The following IL37 variants were observed in gnomAD, a reference collection of about 807,000 sequenced individuals.
IL37 encodes interleukin-37.
A neutral mutation model predicts 15.4 loss-of-function variants in IL37; 15 were observed. That is an observed-to-expected ratio of 0.98 (90% confidence interval 0.65 to 1.50). The LOEUF is 1.50. Ranked by LOEUF, IL37 falls within the 40% of genes most tolerant of loss-of-function variation. The probability of loss-of-function intolerance (pLI) is 0.00; values close to 1 mark genes in which losing one functional copy is unlikely to be tolerated. For synonymous variants in IL37, 98 were observed against 97.4 expected, an observed-to-expected ratio of 1.01 and a Z score of -0.03; for missense variants, 269 against 261.7, an observed-to-expected ratio of 1.03 and a Z score of -0.19.
chr2:112,916,721 C>G (rs971142722), intron 3 of IL37, among the ~76,000 whole-genome samples: 1 of 152,168 alleles, frequency 6.6e-6, no homozygotes, highest in Non-Finnish European at 1.5e-5. Flanking sequence ...TATAAAAAGT[C>G]CTTTTTATAC....
chr2:112,911,230 A>G lies in IL37; in HGVS notation c.-69A>G, dbSNP rs1683171493. ...GGAGTCCAAGACAGAGCCACAGACCACGAGGATCCCTGGCCCAGGTAGGTG... is the reference window on the plus strand; with the variant it reads ...GGAGTCCAAGACAGAGCCACAGACCGCGAGGATCCCTGGCCCAGGTAGGTG... On this transcript the variant is annotated 5_prime_UTR_variant, in exon 1 of 6. Transcript: ENST00000263326. Among the ~76,000 whole-genome samples, 1 of 152,264 alleles carries G rather than the reference A, an allele frequency of 6.6e-6. No individual in the cohort carries two copies. Among genetic ancestry groups the G allele is most frequent in the Non-Finnish European group, 1.5e-5 (1 of 68,046 alleles).
At chr2:112,915,448 T>C (rs1460159738) in intron 3 of IL37, among the ~76,000 whole-genome samples, 1 of 152,056 alleles carries the variant, frequency 6.6e-6, no homozygotes, top group African/African-American at 2.4e-5. Context: ...GCCATGCCAC[T>C]CAAAGGGTGT....
chr2:112,913,589 C>T (rs1217779771), intron 2 of IL37, among the ~76,000 whole-genome samples: 15 of 152,226 alleles, frequency 9.9e-5, no homozygotes, highest in Admixed American at 9.8e-4. Flanking sequence ...AGGCCTGTGA[C>T]ATGCCAGAGG....
In IL37 at chr2:112,913,777, T is replaced by TGC; in HGVS notation, c.83-13_83-12dup. 1 of 1,612,104 alleles carries TGC rather than the reference T, an allele frequency of 6.2e-7. No individual in the cohort carries two copies. Among genetic ancestry groups the TGC allele is most frequent in the Non-Finnish European group, 8.5e-7 (1 of 1,178,242 alleles). On this transcript the variant is annotated splice_polypyrimidine_tract_variant and intron_variant, in intron 2 of 5. Coordinates refer to ENST00000263326, the MANE Select transcript of IL37 (RefSeq NM_014439.4). ...TCCGAATTGCATATGCTAACCTCAC[T>TGC]GCGTCTGACTGCAGACCCGGCTGGA...
intron 3 of IL37, among the ~76,000 whole-genome samples, chr2:112,916,922 C>T (rs374213025): frequency 3.9e-5 from 6 of 152,198 alleles, no homozygotes; most frequent in East Asian, 1.9e-4. Flanking sequence ...CTGTCCAAAT[C>T]TGGAACCCAT....
chr2:112,915,206 A>G (rs756629935), intron 3 of IL37: 3 of 1,614,066 alleles, frequency 1.9e-6, no homozygotes, highest in Non-Finnish European at 2.5e-6. Context: ...TCAGGCTGTG[A>G]TAGGAGGGAA....
At chr2:112,914,238 G>C (rs1227434125) in intron 3 of IL37, among the ~76,000 whole-genome samples, 3 of 152,168 alleles carry the variant, frequency 2.0e-5, no homozygotes, top group African/African-American at 7.2e-5. Context: ...GCTCAGGGCG[G>C]CGCCTTCAGA....
At chr2:112,911,630 C>G (rs1334156823) in intron 1 of IL37, among the ~76,000 whole-genome samples, 1 of 152,206 alleles carries the variant, frequency 6.6e-6, no homozygotes, top group Non-Finnish European at 1.5e-5. Context: ...TGCACTGCTT[C>G]TTTAGGGAAT....
chr2:112,916,655 G>A (rs1683318684), intron 3 of IL37, among the ~76,000 whole-genome samples: 1 of 152,200 alleles, frequency 6.6e-6, no homozygotes, highest in Non-Finnish European at 1.5e-5. Flanking sequence ...GCACTGCTGA[G>A]GGAATGATGC....
chr2:112,916,166 C>T (rs2723182), intron 3 of IL37, among the ~76,000 whole-genome samples: 14,742 of 152,202 alleles, frequency 0.097, 936 homozygotes, highest in African/African-American at 0.17. Context: ...GAATTGCCTA[C>T]CACAGATACC....
intron 3 of IL37, among the ~76,000 whole-genome samples, chr2:112,916,248 C>T (rs931389286): frequency 1.3e-5 from 2 of 152,310 alleles, no homozygotes; most frequent in African/African-American, 4.8e-5. Flanking sequence ...TTCCAGCCAC[C>T]CACCCATTCT....
intron 3 of IL37, chr2:112,915,148 T>C (rs771764942): frequency 1.3e-6 from 2 of 1,574,518 alleles, no homozygotes; most frequent in Non-Finnish European, 1.7e-6. Context: ...AGAACACCAC[T>C]TAAGAGGATA....
chr2:112,917,152 C>G lies in IL37; in HGVS notation c.169C>G (p.Pro57Ala), dbSNP rs1364649690. The change falls in exon 4 of 6, where the codon CCG becomes GCG. Residue 57 changes from proline (P) to alanine (A), a missense_variant. By Grantham distance (27) the Pro-to-Ala change is conservative. Coordinates refer to ENST00000263326, the MANE Select transcript of IL37 (RefSeq NM_014439.4). Reference sequence around the variant, plus strand: ...AGGTCCAAAGGTGAAGAACTTAAACCCGAAGAAATTCAGCATTCATGACCA... The same window carrying G: ...AGGTCCAAAGGTGAAGAACTTAAACGCGAAGAAATTCAGCATTCATGACCA... ...HTSPKVKNLNPKKFSIHDQDH... is the reference protein window; with the variant it reads ...HTSPKVKNLNAKKFSIHDQDH... 1.9e-6 allele frequency: 3 copies of G among 1,613,870 alleles called. No homozygotes were observed. Among genetic ancestry groups the G allele is most frequent in the Non-Finnish European group, 2.5e-6 (3 of 1,179,908 alleles).
intron 5 of IL37, 55 bp from the exon 6 acceptor site, chr2:112,918,506 T>C (rs1683374901): frequency 1.4e-5 from 21 of 1,554,116 alleles, no homozygotes; most frequent in Non-Finnish European, 1.8e-5. Context: ...ACATGTGCTG[T>C]GTTTTCCTCC....
At position 112,913,816 on chromosome 2, in the gene IL37, C is replaced by T. The variant is rs372712283; in HGVS notation, c.107C>T (p.Pro36Leu). 6.2e-7 allele frequency: 1 copy of T among 1,613,690 alleles called. No homozygotes were observed. The highest frequency in any genetic ancestry group is 1.1e-5 in the South Asian group (1 of 91,050). The change falls in exon 3 of 6, where the codon CCA becomes CTA. Residue 36 changes from proline to leucine, a missense_variant. Physicochemically the swap from Pro to Leu is moderately conservative, Grantham distance 98 (BLOSUM62 -3). Transcript: ENST00000263326. ...GACCCGGCTGGAAGCCCCCTGGAAC[C>T]AGGCCCAAGCCTCCCCACCATGAAT... is the stretch of plus-strand genomic sequence containing the variant. ...LEDPAGSPLE[P>L]GPSLPTMNFV... is the part of the protein sequence containing the mutation.
In IL37 at chr2:112,913,050, G is replaced by A. The variant is rs143208581; in HGVS notation, c.38G>A (p.Gly13Asp). ...GGGGAGAACTCAGGAGTGAAAATGG[G>A]CTCTGAGGACTGGGAAAAAGATGAA... is the stretch of plus-strand genomic sequence containing the variant. ...FVGENSGVKMGSEDWEKDEPQ... is the reference protein window; with the variant it reads ...FVGENSGVKMDSEDWEKDEPQ... The change falls in exon 2 of 6, where the codon GGC becomes GAC. Residue 13 changes from glycine to aspartate, a missense_variant. Transcript: ENST00000263326. 416 of 1,574,830 alleles carry A rather than the reference G, an allele frequency of 2.6e-4. 1 individual carries two copies. In the African/African-American group the frequency reaches 5.2e-3, roughly 20 times the overall value.
In IL37 at chr2:112,918,656, G is replaced by C; in HGVS notation, c.504G>C (p.Glu168Asp). The change falls in exon 6 of 6, where the codon GAG (glutamate) becomes GAC (aspartate). Residue 168 changes from glutamate (E) to aspartate (D), a missense_variant. By Grantham distance (45) the Glu-to-Asp change is conservative (BLOSUM62 2). Transcript: ENST00000263326. ...RAQVGSWNML[E>D]SAAHPGWFIC... The stretch of plus-strand genomic sequence containing the variant: ...AGGTGGGCTCCTGGAACATGCTGGA[G>C]TCGGCGGCTCACCCCGGATGGTTCA... 6.2e-7 allele frequency: 1 copy of C among 1,614,150 alleles called. No individual in the cohort carries two copies. The highest frequency in any genetic ancestry group is 8.5e-7 in the Non-Finnish European group (1 of 1,180,038).
At chr2:112,915,396 G>A in intron 3 of IL37, 1 of 679,758 alleles carries the variant, frequency 1.5e-6, no homozygotes, top group Non-Finnish European at 2.6e-6. Flanking sequence ...CACCCACCAG[G>A]TGATTCCCAG....
Position 112,913,001 on chromosome 2 carries a change from T to G in IL37, c.-12T>G, listed in dbSNP as rs1267049340. On this transcript the variant is annotated 5_prime_UTR_variant, in exon 2 of 6. Transcript: ENST00000263326. ...TTCCATTTTCTGTTGAGTAATAAAC[T>G]CAACGTTGAAAATGTCCTTTGTGGG... 1.3e-6 allele frequency: 2 copies of G among 1,571,674 alleles called. No homozygotes were observed. The highest frequency in any genetic ancestry group is 1.7e-6 in the Non-Finnish European group (2 of 1,162,376).
Sources: gnomAD v4.1 joint callset for allele counts (sites outside exome capture counted in the v4.1 genomes callset) on GRCh38, gnomAD v4.1.1 for gene constraint, MANE v1.5 for transcripts, NCBI Gene and HGNC (gene_info 2026-07-23, HGNC 2026-07-21) for gene names.